Variants in KCNB2 observed in about 807,000 individuals in gnomAD.
KCNB2 encodes potassium voltage-gated channel subfamily B member 2.
Under a neutral mutation model 61.5 loss-of-function variants are expected in KCNB2, and 15 were observed. The ratio of observed to expected loss-of-function variants is 0.24; its 90% confidence interval spans 0.16 to 0.38. KCNB2 has a LOEUF of 0.38. KCNB2 is among the 10% of genes least tolerant of loss of function. KCNB2 has a pLI of 1.00. For synonymous variants in KCNB2, 457 were observed against 446.0 expected, an observed-to-expected ratio of 1.02 and a Z score of -0.31; for missense variants, 828 against 1,125.2, an observed-to-expected ratio of 0.74 and a Z score of 3.78.
intron 2 of KCNB2, among the ~76,000 whole-genome samples, chr8:72,705,184 G>A (rs1807201113): frequency 6.6e-6 from 1 of 152,144 alleles, no homozygotes; most frequent in African/African-American, 2.4e-5. Flanking sequence ...ATGTTCTTCA[G>A]CTAATCATTT....
chr8:72,616,489 T>G (rs1805621667), intron 2 of KCNB2, among the ~76,000 whole-genome samples: 1 of 152,170 alleles, frequency 6.6e-6, no homozygotes, highest in Non-Finnish European at 1.5e-5. Flanking sequence ...CTCTTAGGCT[T>G]TTTTCTTTTT....
At chr8:72,708,358 C>A (rs1807268434) in intron 2 of KCNB2, among the ~76,000 whole-genome samples, 1 of 152,180 alleles carries the variant, frequency 6.6e-6, no homozygotes, top group African/African-American at 2.4e-5. Context: ...AATTGTTGGA[C>A]AAACAGCTAA....
At chr8:72,863,934 G>C (rs1295310847) in intron 2 of KCNB2, among the ~76,000 whole-genome samples, 1 of 152,176 alleles carries the variant, frequency 6.6e-6, no homozygotes, top group Non-Finnish European at 1.5e-5. Flanking sequence ...AGCCCAGGAG[G>C]CAGAGGTTGC....
chr8:72,842,762 T>C (rs1585925499), intron 2 of KCNB2, among the ~76,000 whole-genome samples: 2 of 152,262 alleles, frequency 1.3e-5, no homozygotes, highest in East Asian at 3.8e-4. Context: ...TTTGTACTTC[T>C]GTGGGATCAG....
intron 2 of KCNB2, among the ~76,000 whole-genome samples, chr8:72,705,634 C>T (rs1253601846): frequency 6.6e-6 from 1 of 152,186 alleles, no homozygotes; most frequent in Non-Finnish European, 1.5e-5. Flanking sequence ...GGTAGGGTAG[C>T]TCAGTAGACA....
rs754042359 is a variant in KCNB2, at chr8:72,663,205, GCACAACTAGTAGA to G, written c.579+94896_579+94908del. ...AGGTTCTATAACCTGTCTACGGTTT[GCACAACTAGTAGA>G]CACTTGATTATAACCCATTTTTTTA... On this transcript the variant is annotated intron_variant, in intron 2 of 2. Coordinates refer to ENST00000523207, the MANE Select transcript of KCNB2 (RefSeq NM_004770.3). 1.0e-3 allele frequency among the ~76,000 whole-genome samples: 152 copies of G among 152,278 alleles called. 1 individual carries two copies. The highest frequency in any genetic ancestry group is 2.0e-3 in the Non-Finnish European group (135 of 68,018).
At chr8:72,572,847 C>T (rs561131400) in intron 2 of KCNB2, among the ~76,000 whole-genome samples, 10 of 152,062 alleles carry the variant, frequency 6.6e-5, no homozygotes, top group East Asian at 5.8e-4. Flanking sequence ...ATGCATGGGA[C>T]GGAGGGAAGG....
intron 2 of KCNB2, among the ~76,000 whole-genome samples, chr8:72,649,838 C>A (rs1199578825): frequency 6.6e-6 from 1 of 152,086 alleles, no homozygotes; most frequent in East Asian, 1.9e-4. Flanking sequence ...AATAATAGAA[C>A]CACCTGGAAT....
chr8:72,727,229 A>G (rs1200664200), intron 2 of KCNB2, among the ~76,000 whole-genome samples: 2 of 152,160 alleles, frequency 1.3e-5, no homozygotes, highest in Non-Finnish European at 2.9e-5. Context: ...CCCCAGACCT[A>G]TTTTAAATCC....
intron 2 of KCNB2, among the ~76,000 whole-genome samples, chr8:72,832,862 A>G (rs1171674514): frequency 6.6e-6 from 1 of 152,156 alleles, no homozygotes; most frequent in Non-Finnish European, 1.5e-5. Flanking sequence ...AGAGATCCCA[A>G]ATCTTTTATA....
chr8:72,704,477 C>T lies in KCNB2; in HGVS notation c.579+136164C>T, dbSNP rs943702580. 4.6e-5 allele frequency among the ~76,000 whole-genome samples: 7 copies of T among 151,318 alleles called. 1 individual carries two copies. Among genetic ancestry groups the T allele is most frequent in the Admixed American group, 2.6e-4 (4 of 15,102 alleles). On this transcript the variant is annotated intron_variant, in intron 2 of 2. Transcript: ENST00000523207. ...AATGGCAAAACTATTACAGCTCTCTCGGAGATACTGTCAGAGAAAGCTGGT... is the reference window on the plus strand; with the variant it reads ...AATGGCAAAACTATTACAGCTCTCTTGGAGATACTGTCAGAGAAAGCTGGT...
At chr8:72,847,363 T>G (rs2129003043) in intron 2 of KCNB2, among the ~76,000 whole-genome samples, 1 of 152,290 alleles carries the variant, frequency 6.6e-6, no homozygotes, top group East Asian at 1.9e-4. Flanking sequence ...CCATCTCCAC[T>G]TCAACATGGG....
chr8:72,922,960 A>G (rs1806552645), intron 2 of KCNB2, among the ~76,000 whole-genome samples: 1 of 151,330 alleles, frequency 6.6e-6, no homozygotes, highest in African/African-American at 2.4e-5. Flanking sequence ...CTTGAATCAA[A>G]CAATATATGT....
chr8:72,568,319 A>G lies in KCNB2; in HGVS notation c.579+6A>G, dbSNP rs908358228. ...ACTCATCAGTGGCTGCAAAGGTATG[A>G]AACCCATAGTATTGCTTGCCTGTGT... On this transcript the variant is annotated splice_donor_region_variant and intron_variant, in intron 2 of 2. Coordinates refer to ENST00000523207, the MANE Select transcript of KCNB2 (RefSeq NM_004770.3). 1.9e-6 allele frequency: 3 copies of G among 1,603,250 alleles called. No homozygotes were observed. Among genetic ancestry groups the G allele is most frequent in the Admixed American group, 3.5e-5 (2 of 57,940 alleles).
chr8:72,828,817 G>T (rs1417730020), intron 2 of KCNB2, among the ~76,000 whole-genome samples: 2 of 152,104 alleles, frequency 1.3e-5, no homozygotes, highest in Non-Finnish European at 1.5e-5. Context: ...TAGTAGTAAG[G>T]CTAGTGCATT....
rs532560915 is a variant in KCNB2 at position 72,653,085 on chromosome 8, C to T, written c.579+84772C>T. Among the ~76,000 whole-genome samples the T allele has an allele frequency of 8.1e-4, 123 of 152,198 alleles. 1 individual carries two copies. The highest frequency in any genetic ancestry group is 2.9e-3 in the Admixed American group (44 of 15,270). ...TCCCCTCCTCTCTGTGTCTGTATCC[C>T]CTTCCCTTCTTTCATAAGAAGAGAC... On this transcript the variant is annotated intron_variant, in intron 2 of 2. Transcript: ENST00000523207.
chr8:72,544,778 A>G (rs1452835051), intron 1 of KCNB2, among the ~76,000 whole-genome samples: 2 of 152,208 alleles, frequency 1.3e-5, no homozygotes, highest in South Asian at 2.1e-4. Context: ...AGTCCAATGT[A>G]TGCATTCAGT....
chr8:72,590,929 A>G (rs1211693388), intron 2 of KCNB2, among the ~76,000 whole-genome samples: 3 of 152,192 alleles, frequency 2.0e-5, no homozygotes, highest in African/African-American at 7.2e-5. Context: ...TAATTATAGT[A>G]GCTAAAACCT....
intron 2 of KCNB2, among the ~76,000 whole-genome samples, chr8:72,780,429 A>G (rs1164168454): frequency 6.6e-6 from 1 of 152,216 alleles, no homozygotes; most frequent in Non-Finnish European, 1.5e-5. Context: ...CTGAAAAACA[A>G]AGTATTCAAG....
Sources: gnomAD v4.1 joint callset for allele counts (sites outside exome capture counted in the v4.1 genomes callset) on GRCh38, gnomAD v4.1.1 for gene constraint, MANE v1.5 for transcripts, NCBI Gene and HGNC (gene_info 2026-07-23, HGNC 2026-07-21) for gene names.